The following WDFY4 variants were observed in gnomAD, a reference collection of about 807,000 sequenced individuals.
WDFY4 encodes the protein WD repeat- and FYVE domain-containing protein 4.
WDFY4 carries 169 observed loss-of-function variants against 351.9 expected under a neutral mutation model. That is an observed-to-expected ratio of 0.48 (90% confidence interval 0.42 to 0.55). The LOEUF is 0.55. WDFY4 is among the 20% of genes least tolerant of loss of function. The pLI, the probability that WDFY4 is intolerant of heterozygous loss-of-function variation, is 0.00. For missense variants in WDFY4, 3,803 were observed against 3,935.6 expected (o/e 0.97, Z 0.90); for synonymous variants, 1,622 against 1,574.6 (o/e 1.03, Z -0.71).
chr10:48,928,502 C>T (rs562622864), intron 47 of WDFY4, among the ~76,000 whole-genome samples: 2 of 152,106 alleles, frequency 1.3e-5, no homozygotes, highest in Non-Finnish European at 2.9e-5. Flanking sequence ...CCTATTCAGA[C>T]CCTGCAGCCT....
chr10:48,913,478 G>A (rs746650659), intron 47 of WDFY4: 3 of 1,595,710 alleles, frequency 1.9e-6, no homozygotes, highest in South Asian at 2.2e-5. Flanking sequence ...TCGTGGCCAT[G>A]TTCTTGATTC....
chr10:48,976,955 C>T lies in WDFY4; in HGVS notation c.9267C>T (p.Thr3089=), dbSNP rs773859408. The stretch of plus-strand genomic sequence containing the variant: ...GGGACACAAGCCAGATCATCATCAC[C>T]GGGAGTCAAGACGGCATGGTCCGGG... The part of the protein sequence containing the change: ...PAWDTSQIII[T]GSQDGMVRVW... Residue 3089 remains threonine, a synonymous_variant, in exon 59 of 62, where the codon ACC becomes ACT. Transcript: ENST00000325239. The T allele has an allele frequency of 1.7e-5, 25 of 1,489,920 alleles. No homozygotes were observed. Among genetic ancestry groups the T allele is most frequent in the African/African-American group, 5.6e-5 (4 of 70,806 alleles). 92.3% of individuals were successfully genotyped at this position (1,489,920 alleles called of 1,614,324 possible). A position where few individuals can be genotyped will look rare whatever the true frequency, so the allele number is the denominator to read the frequency against.
In WDFY4 at chr10:48,743,258, C is replaced by T; in HGVS notation, c.2169C>T (p.Ala723=). 6.4e-7 allele frequency: 1 copy of T among 1,551,634 alleles called. No homozygotes were observed. The highest frequency in any genetic ancestry group is 8.7e-7 in the Non-Finnish European group (1 of 1,146,976). The change falls in exon 12 of 62, where the codon GCC becomes GCT. Residue 723 remains alanine (A), a synonymous_variant. Coordinates refer to ENST00000325239, the MANE Select transcript of WDFY4 (RefSeq NM_001394531.1). ...EDLCLLGCFG[A]LEEEGNLLRS... ...TCTGCCTGCTGGGCTGTTTTGGAGC[C>T]CTGGAGGAAGAGGGCAACCTGCTGC...
chr10:48,718,955 A>C lies in WDFY4; in HGVS notation c.235-1056A>C, dbSNP rs142866327. Among the ~76,000 whole-genome samples the C allele has an allele frequency of 1.1e-4, 17 of 152,368 alleles. No individual in the cohort carries two copies. The East Asian group carries it at 2.7e-3, about 24-fold the overall frequency. On this transcript the variant is annotated intron_variant, in intron 2 of 61. Transcript: ENST00000325239. The stretch of plus-strand genomic sequence containing the variant: ...GCAGAAAAAGGTGATCAGGTGGGAT[A>C]GAAATACAGAAGGGGCAGATAAGAA...
chr10:48,872,155 G>A (rs895701310), intron 40 of WDFY4, among the ~76,000 whole-genome samples: 3 of 152,210 alleles, frequency 2.0e-5, no homozygotes, highest in African/African-American at 7.2e-5. Flanking sequence ...GCTTTCATGG[G>A]AATGCCTCTG....
rs1485124821 is a variant in WDFY4 at position 48,817,250 on chromosome 10, G to T, written c.5346G>T (p.Leu1782=). The T allele has an allele frequency of 6.4e-6, 10 of 1,551,654 alleles. No individual in the cohort carries two copies. The highest frequency in any genetic ancestry group is 8.7e-6 in the Non-Finnish European group (10 of 1,147,020). Residue 1782 remains leucine (L), a synonymous_variant, in exon 32 of 62, where the codon CTG becomes CTT. Transcript: ENST00000325239. ...TCTCACCAAGTGTGCCTCAGCCCCT[G>T]GCAGGTTCTGAGGATGGTGCCTGGG... ...EMLKATMSQP[L]AGSEDGAWAQ...
At chr10:48,913,899 T>C (rs1197827032) in intron 47 of WDFY4, 2 of 1,614,132 alleles carry the variant, frequency 1.2e-6, no homozygotes, top group Non-Finnish European at 1.7e-6. Flanking sequence ...AGGCAGCTTG[T>C]CTATGTAGTT....
chr10:48,723,410 T>C, intron 4 of WDFY4, 23 bp from the exon 5 acceptor site: 1 of 1,547,310 alleles, frequency 6.5e-7, no homozygotes, highest in Non-Finnish European at 8.7e-7. Context: ...CTGCCTGGGG[T>C]CACGTGTGCT....
intron 23 of WDFY4, among the ~76,000 whole-genome samples, chr10:48,795,491 G>GTATATATATATA (rs60705301): frequency 1.9e-4 from 19 of 101,204 alleles, no homozygotes; most frequent in Admixed American, 4.0e-4. Context: ...GTGTGTGTCT[G>GTATATATATATA]TATATATATA....
intron 24 of WDFY4, among the ~76,000 whole-genome samples, chr10:48,802,572 G>T (rs2067120034): frequency 7.3e-6 from 1 of 136,754 alleles, no homozygotes; most frequent in Non-Finnish European, 1.5e-5. Context: ...GTTCTCTAAA[G>T]GGAAGTAGAA....
intron 2 of WDFY4, among the ~76,000 whole-genome samples, chr10:48,713,814 C>A (rs1589436955): frequency 6.6e-6 from 1 of 152,272 alleles, no homozygotes; most frequent in East Asian, 1.9e-4. Context: ...TCTTTTATTT[C>A]TTTTTAATAT....
intron 13 of WDFY4, among the ~76,000 whole-genome samples, chr10:48,769,069 G>A (rs2065774748): frequency 1.3e-5 from 2 of 152,210 alleles, no homozygotes; most frequent in South Asian, 2.1e-4. Flanking sequence ...TTTACAGGAC[G>A]AATTGCCCAC....
At chr10:48,688,717 C>A (rs1163892811) in intron 1 of WDFY4, among the ~76,000 whole-genome samples, 1 of 152,068 alleles carries the variant, frequency 6.6e-6, no homozygotes, top group Non-Finnish European at 1.5e-5. Flanking sequence ...TTTGCAATAA[C>A]CCAGGCTAGA....
At chr10:48,697,006 T>C (rs2063348062) in intron 1 of WDFY4, among the ~76,000 whole-genome samples, 1 of 152,228 alleles carries the variant, frequency 6.6e-6, no homozygotes, top group Non-Finnish European at 1.5e-5. Flanking sequence ...TGCTCTGGGT[T>C]GGCCTGGCCT....
Position 48,933,314 on chromosome 10 carries a change from T to A in WDFY4, c.7587-8492T>A, listed in dbSNP as rs546642509. Among the ~76,000 whole-genome samples the A allele has an allele frequency of 9.2e-5, 14 of 152,330 alleles. No homozygotes were observed. In the East Asian group the frequency reaches 2.5e-3, roughly 27 times the overall value. ...CTCATGTGCATCATCTCATTTAATCTAGTCACTCCACTTCACAGATGAAAC... is the reference window on the plus strand; with the variant it reads ...CTCATGTGCATCATCTCATTTAATCAAGTCACTCCACTTCACAGATGAAAC... On this transcript the variant is annotated intron_variant, in intron 47 of 61. Transcript: ENST00000325239.
chr10:48,887,564 G>A (rs571853415), intron 43 of WDFY4, among the ~76,000 whole-genome samples: 91 of 152,278 alleles, frequency 6.0e-4, no homozygotes, highest in African/African-American at 2.0e-3. Flanking sequence ...GGATCACGAG[G>A]TCAGGAGATC....
intron 47 of WDFY4, among the ~76,000 whole-genome samples, chr10:48,922,610 A>G (rs954213220): frequency 2.6e-5 from 4 of 152,184 alleles, no homozygotes; most frequent in African/African-American, 9.7e-5. Context: ...ATGTTTTCCT[A>G]TAGGAAAAAC....
At chr10:48,708,909 T>A (rs999095896) in intron 1 of WDFY4, among the ~76,000 whole-genome samples, 1 of 152,192 alleles carries the variant, frequency 6.6e-6, no homozygotes, top group African/African-American at 2.4e-5. Context: ...TAGAATTATG[T>A]GCCTCTACAA....
At chr10:48,711,993 G>T (rs1589434203) in intron 2 of WDFY4, among the ~76,000 whole-genome samples, 1 of 152,180 alleles carries the variant, frequency 6.6e-6, no homozygotes, top group Admixed American at 6.5e-5. Context: ...TTATGTCACC[G>T]TACAGGCATG....
Sources: allele counts gnomAD v4.1 joint callset (sites outside exome capture counted in the v4.1 genomes callset), GRCh38; gene constraint gnomAD v4.1.1; transcripts MANE v1.5; gene names NCBI Gene and HGNC (gene_info 2026-07-23, HGNC 2026-07-21).